ARHGAP21: variants seen among roughly 807,000 people sequenced by gnomAD.
ARHGAP21 encodes Rho GTPase activating protein 21.
ARHGAP21 carries 38 observed loss-of-function variants against 164.6 expected under a neutral mutation model. That is an observed-to-expected ratio of 0.23 (90% CI 0.18 to 0.30). The LOEUF (loss-of-function observed/expected upper bound fraction) is 0.30. Ranked by LOEUF, ARHGAP21 falls within the 10% of genes least tolerant of loss-of-function variation. ARHGAP21 has a pLI of 1.00. For synonymous variants in ARHGAP21, 766 were observed against 857.9 expected (o/e 0.89, Z 1.87); for missense variants, 1,822 against 2,370.7 (o/e 0.77, Z 4.81).
chr10:24,689,287 T>C (rs1050567759), intron 2 of ARHGAP21, among the ~76,000 whole-genome samples: 4 of 152,188 alleles, frequency 2.6e-5, no homozygotes, highest in African/African-American at 9.7e-5. Context: ...TTTTTTCTAA[T>C]TTATATTTAT....
chr10:24,613,450 T>C (rs537355081), intron 9 of ARHGAP21, among the ~76,000 whole-genome samples: 1 of 152,328 alleles, frequency 6.6e-6, no homozygotes, highest in East Asian at 1.9e-4. Flanking sequence ...ATTTTCTAAT[T>C]AAGACCAAGT....
At chr10:24,592,681 T>C (rs755570006) in intron 21 of ARHGAP21, among the ~76,000 whole-genome samples, 15 of 150,782 alleles carry the variant, frequency 9.9e-5, no homozygotes, top group Non-Finnish European at 1.8e-4. Context: ...CTCCGGAGGC[T>C]GAGGTGGGAG....
intron 4 of ARHGAP21, among the ~76,000 whole-genome samples, chr10:24,637,043 C>T (rs890501185): frequency 1.3e-5 from 2 of 152,162 alleles, no homozygotes; most frequent in Non-Finnish European, 1.5e-5. Context: ...CACAAGCCCT[C>T]AAGATGGGCA....
Position 24,585,526 on chromosome 10 carries a change from G to T in ARHGAP21, c.4763C>A (p.Ser1588Tyr), listed in dbSNP as rs756521421. ...CAAGTATGTAGCAGACGATGTGGTG[G>T]AATAATCTGAGGTGATGGTGCTGAC... is the stretch of plus-strand genomic sequence containing the variant. ...ANVSTITSDY[S>Y]TTSSATYLTS... Residue 1588 changes from serine to tyrosine, a missense_variant, in exon 26 of 26, where the codon TCC (serine) becomes TAC (tyrosine). Physicochemically the swap from Ser to Tyr is moderately radical, Grantham distance 144 (BLOSUM62 -2). Around this residue, in one of 5 missense-constraint regions of ARHGAP21, gnomAD observed 333 missense variants for 383.9 expected, o/e 0.87. Transcript: ENST00000396432. 2.5e-6 allele frequency: 4 copies of T among 1,614,062 alleles called. No individual in the cohort carries two copies. Among genetic ancestry groups the T allele is most frequent in the Non-Finnish European group, 3.4e-6 (4 of 1,180,052 alleles).
chr10:24,715,876 G>A (rs951082420), intron 2 of ARHGAP21, among the ~76,000 whole-genome samples: 3 of 152,106 alleles, frequency 2.0e-5, no homozygotes, highest in African/African-American at 7.2e-5. Context: ...AGGCATGCTG[G>A]CACACGCCTG....
At chr10:24,667,427 CTT>C (rs143621126) in intron 3 of ARHGAP21, among the ~76,000 whole-genome samples, 1,929 of 152,184 alleles carry the variant, frequency 0.013, 39 homozygotes, top group African/African-American at 0.044. Context: ...TTAAATGTGC[CTT>C]TAAGGGATAT....
chr10:24,676,267 T>C (rs1465655047), intron 2 of ARHGAP21, among the ~76,000 whole-genome samples: 2 of 152,238 alleles, frequency 1.3e-5, no homozygotes, highest in Non-Finnish European at 2.9e-5. Flanking sequence ...CAAGATTCTA[T>C]TTTGAGTCTA....
chr10:24,655,724 G>A (rs1479239622), intron 4 of ARHGAP21, among the ~76,000 whole-genome samples: 2 of 140,918 alleles, frequency 1.4e-5, no homozygotes, highest in African/African-American at 5.3e-5. Context: ...AGTCTGGAAA[G>A]TGAGGAGCGT....
Position 24,622,638 on chromosome 10 carries a change from A to G in ARHGAP21, c.525+95T>C, listed in dbSNP as rs1433749316. On this transcript the variant is annotated intron_variant, in intron 8 of 25. Coordinates refer to ENST00000396432, the MANE Select transcript of ARHGAP21 (RefSeq NM_020824.4). The stretch of plus-strand genomic sequence containing the variant: ...TTAACACGATAGAGGGATTTCTCTA[A>G]GCAAAAGTGAACAGTTTTTAATAGA... 6.8e-6 allele frequency: 9 copies of G among 1,325,642 alleles called. No individual in the cohort carries two copies. In the East Asian group the frequency reaches 7.4e-5, roughly 11 times the overall value. 82.1% of individuals were successfully genotyped at this position (1,325,642 alleles called of 1,614,324 possible).
chr10:24,713,222 C>A (rs1308664155), intron 2 of ARHGAP21, among the ~76,000 whole-genome samples: 2 of 152,016 alleles, frequency 1.3e-5, no homozygotes, highest in South Asian at 2.1e-4. Context: ...TTAGGTTGTA[C>A]GAAGGGCAAA....
At chr10:24,698,734 T>C (rs1444863591) in intron 2 of ARHGAP21, among the ~76,000 whole-genome samples, 1 of 152,188 alleles carries the variant, frequency 6.6e-6, no homozygotes, top group African/African-American at 2.4e-5. Flanking sequence ...CTATTAACCA[T>C]CAATGTGAAC....
chr10:24,652,020 T>C (rs950753835), intron 4 of ARHGAP21, among the ~76,000 whole-genome samples: 30 of 152,354 alleles, frequency 2.0e-4, no homozygotes, highest in African/African-American at 7.0e-4. Context: ...GGCAAACTTT[T>C]TCTGTAAAGA....
chr10:24,598,249 T>C (rs2076666679), intron 14 of ARHGAP21, among the ~76,000 whole-genome samples: 1 of 152,206 alleles, frequency 6.6e-6, no homozygotes, highest in Non-Finnish European at 1.5e-5. Context: ...CCTAGGATAG[T>C]ACCAGCAAGT....
intron 4 of ARHGAP21, among the ~76,000 whole-genome samples, chr10:24,660,386 T>TAAAAAAAAAAAAAAA (rs56053080): frequency 1.7e-5 from 1 of 60,064 alleles, no homozygotes. Context: ...CTCTCTCTCT[T>TAAAAAAAAAAAAAAA]AAAAAAAAAA....
At chr10:24,621,424 T>G in intron 8 of ARHGAP21, 55 bp from the exon 9 acceptor site, 1 of 1,449,948 alleles carries the variant, frequency 6.9e-7, no homozygotes, top group South Asian at 1.4e-5. Flanking sequence ...GAATAATAAT[T>G]TCCATTTTTA....
chr10:24,692,863 AAG>A (rs1164243979), intron 2 of ARHGAP21, among the ~76,000 whole-genome samples: 1 of 152,126 alleles, frequency 6.6e-6, no homozygotes, highest in Non-Finnish European at 1.5e-5. Context: ...TAAAAAAAAA[AAG>A]AGTAGGATAA....
At chr10:24,702,730 G>C (rs1289912653) in intron 2 of ARHGAP21, among the ~76,000 whole-genome samples, 1 of 152,032 alleles carries the variant, frequency 6.6e-6, no homozygotes. Context: ...GGGACTACAG[G>C]TGTGCACTAC....
At chr10:24,598,702 T>C (rs2076686062) in intron 14 of ARHGAP21, among the ~76,000 whole-genome samples, 2 of 152,158 alleles carry the variant, frequency 1.3e-5, no homozygotes, top group African/African-American at 4.8e-5. Context: ...TTGCCTCATT[T>C]TGATGATAGT....
rs539859557 is a variant in ARHGAP21 at position 24,620,534 on chromosome 10, C to T, written c.1361G>A (p.Arg454Gln). 7 of 1,612,330 alleles carry T rather than the reference C, an allele frequency of 4.3e-6. No homozygotes were observed. The highest frequency in any genetic ancestry group is 2.2e-5 in the East Asian group (1 of 44,840). The change falls in exon 9 of 26, where the codon CGG becomes CAG. Residue 454 changes from arginine to glutamine, a missense_variant. Around this residue, in one of 5 missense-constraint regions of ARHGAP21, gnomAD observed 1,090 missense variants for 1,378.9 expected, o/e 0.79. Coordinates refer to ENST00000396432, the MANE Select transcript of ARHGAP21 (RefSeq NM_020824.4). ...TCTTTCTTGGGACACACTGCGTTGC[C>T]GTATCTGGACAGACTGGGGCACTCG... ...HDRVPQSVQI[R>Q]QRSVSQERLE...
Sources: allele counts gnomAD v4.1 joint callset (sites outside exome capture counted in the v4.1 genomes callset), GRCh38; gene constraint gnomAD v4.1.1; regional missense constraint gnomAD v4.1.1; transcripts MANE v1.5; gene names NCBI Gene and HGNC (gene_info 2026-07-23, HGNC 2026-07-21).